Variants in SYT17 observed in about 807,000 individuals in gnomAD.
The protein encoded by SYT17 is synaptotagmin 17, also known as synaptotagmin-17.
SYT17 carries 22 observed loss-of-function variants against 46.7 expected under a neutral mutation model. That is an observed-to-expected ratio of 0.47 (90% CI 0.34 to 0.67). The LOEUF (loss-of-function observed/expected upper bound fraction) is 0.67. Among genes scored for constraint, SYT17 ranks in the 30% least tolerant of loss-of-function variants. SYT17 has a pLI of 0.01. For missense variants in SYT17, 519 were observed against 612.8 expected (o/e 0.85, Z 1.62); for synonymous variants, 251 against 248.4 (o/e 1.01, Z -0.10).
intron 5 of SYT17, among the ~76,000 whole-genome samples, chr16:19,208,910 T>TG (rs1965779769): frequency 7.0e-6 from 1 of 142,050 alleles, no homozygotes; most frequent in Non-Finnish European, 1.5e-5. Flanking sequence ...TTTTTTTTTT[T>TG]GAGACAGAGT....
intron 7 of SYT17, among the ~76,000 whole-genome samples, chr16:19,259,423 C>T (rs1968807059): frequency 6.6e-6 from 1 of 152,168 alleles, no homozygotes; most frequent in Non-Finnish European, 1.5e-5. Flanking sequence ...GATCACACTG[C>T]AAATAGCCGC....
intron 5 of SYT17, among the ~76,000 whole-genome samples, chr16:19,192,478 C>T (rs1965065004): frequency 6.6e-6 from 1 of 152,108 alleles, no homozygotes; most frequent in Admixed American, 6.6e-5. Context: ...AATCCCAACA[C>T]TTTGGGAAGC....
rs375921222 is a variant in SYT17 at position 19,232,650 on chromosome 16, G to A, written c.1228+7812G>A. On this transcript the variant is annotated intron_variant, in intron 7 of 7. Coordinates refer to ENST00000355377, the MANE Select transcript of SYT17 (RefSeq NM_016524.4). ...GTTTGAGACCAGCCTGGGCAGCATG[G>A]CAAAACCCCATCTCTACTAAAATTA... 2.0e-5 allele frequency among the ~76,000 whole-genome samples: 3 copies of A among 151,992 alleles called. No homozygotes were observed. In the East Asian group the frequency reaches 5.8e-4, roughly 29 times the overall value.
intron 5 of SYT17, among the ~76,000 whole-genome samples, chr16:19,201,207 G>A (rs570285172): frequency 1.3e-3 from 193 of 152,282 alleles, no homozygotes; most frequent in African/African-American, 4.3e-3. Flanking sequence ...GTTTATCTGC[G>A]GCATGGAAGG....
intron 7 of SYT17, among the ~76,000 whole-genome samples, chr16:19,229,636 A>G (rs1966611746): frequency 6.6e-6 from 1 of 152,258 alleles, no homozygotes; most frequent in African/African-American, 2.4e-5. Flanking sequence ...GAAAAAAGAA[A>G]TGCAGCTTGA....
Position 19,181,960 on chromosome 16 carries a change from C to T in SYT17, c.331+1421C>T, listed in dbSNP as rs544963365. On this transcript the variant is annotated intron_variant, in intron 4 of 7. Transcript: ENST00000355377. ...GTTGCAGTGAGCCGAGATTGCACCA[C>T]TACACTCCAGCTCAGGCAACAAAAA... Among the ~76,000 whole-genome samples the T allele has an allele frequency of 2.1e-4, 30 of 141,766 alleles. 1 individual carries two copies. The highest frequency in any genetic ancestry group is 6.6e-4 in the African/African-American group (25 of 37,644). The allele number at this position is 141,766 out of a possible 152,430, so 93.0% of individuals were successfully genotyped here. A position where few individuals can be genotyped will look rare whatever the true frequency, so the allele number is the denominator to read the frequency against.
intron 5 of SYT17, among the ~76,000 whole-genome samples, chr16:19,222,274 ATG>A (rs1354969216): frequency 6.6e-6 from 1 of 151,330 alleles, no homozygotes; most frequent in Non-Finnish European, 1.5e-5. Context: ...TGTTTTGTAT[ATG>A]GCTGAAATTT....
intron 2 of SYT17, 26 bp from the exon 3 acceptor site, chr16:19,173,404 C>A: frequency 8.3e-7 from 1 of 1,203,872 alleles, no homozygotes; most frequent in Non-Finnish European, 1.2e-6. Context: ...CCCCATCCCC[C>A]CGCCCACCTC....
chr16:19,244,906 G>T (rs1342112535), intron 7 of SYT17, among the ~76,000 whole-genome samples: 1 of 152,200 alleles, frequency 6.6e-6, no homozygotes, highest in Non-Finnish European at 1.5e-5. Flanking sequence ...TGAAGGAGAG[G>T]CTGGGAAATG....
At position 19,267,381 on chromosome 16, in the gene SYT17, C is replaced by G. The variant is rs980666842; in HGVS notation, c.*305C>G. On this transcript the variant is annotated 3_prime_UTR_variant, in exon 8 of 8. Coordinates refer to ENST00000355377, the MANE Select transcript of SYT17 (RefSeq NM_016524.4). ...GGCAGTGCCTGCTCTTGTCAATACT[C>G]CTGCCCCAAAATGCACTTTCAACCC... 5.3e-5 allele frequency: 12 copies of G among 227,698 alleles called. No individual in the cohort carries two copies. Among genetic ancestry groups the G allele is most frequent in the Non-Finnish European group, 8.5e-5 (10 of 117,662 alleles). The allele number at this position is 227,698 out of a possible 1,614,324, so 14.1% of individuals were successfully genotyped here. A position where few individuals can be genotyped will look rare whatever the true frequency, so the allele number is the denominator to read the frequency against.
At chr16:19,215,064 A>T (rs1214019557) in intron 5 of SYT17, among the ~76,000 whole-genome samples, 1 of 152,246 alleles carries the variant, frequency 6.6e-6, no homozygotes, top group Admixed American at 6.5e-5. Context: ...CTGGGATTAC[A>T]GGCATGAGCC....
chr16:19,244,485 C>T lies in SYT17; in HGVS notation c.1228+19647C>T, dbSNP rs1275306717. 2.6e-5 allele frequency among the ~76,000 whole-genome samples: 4 copies of T among 152,206 alleles called. No individual in the cohort carries two copies. In the East Asian group the frequency reaches 5.8e-4, roughly 22 times the overall value. ...AGTAGCTGGGACTACAGGTATGTGC[C>T]ACCGTGCCTGCCATTTTAAAAAATT... On this transcript the variant is annotated intron_variant, in intron 7 of 7. Coordinates refer to ENST00000355377, the MANE Select transcript of SYT17 (RefSeq NM_016524.4).
chr16:19,202,295 A>G (rs1304544175), intron 5 of SYT17, among the ~76,000 whole-genome samples: 1 of 152,212 alleles, frequency 6.6e-6, no homozygotes, highest in East Asian at 1.9e-4. Context: ...TTTGCTAGAA[A>G]GGCTCACAGA....
chr16:19,189,355 T>G (rs1448872760), intron 5 of SYT17, among the ~76,000 whole-genome samples: 1 of 150,976 alleles, frequency 6.6e-6, no homozygotes. Context: ...TTTTTTTTTT[T>G]TCTGAGACAG....
intron 5 of SYT17, among the ~76,000 whole-genome samples, chr16:19,190,378 T>TA (rs1596918690): frequency 6.6e-6 from 1 of 151,768 alleles, no homozygotes; most frequent in Non-Finnish European, 1.5e-5. Context: ...TCTCGAAATT[T>TA]AAAAAAAAAT....
At chr16:19,228,578 T>C (rs566021448) in intron 7 of SYT17, among the ~76,000 whole-genome samples, 1 of 152,268 alleles carries the variant, frequency 6.6e-6, no homozygotes, top group East Asian at 1.9e-4. Flanking sequence ...CATCTATAAG[T>C]AGCTATTTTT....
At chr16:19,218,179 A>G (rs1966167152) in intron 5 of SYT17, among the ~76,000 whole-genome samples, 1 of 152,208 alleles carries the variant, frequency 6.6e-6, no homozygotes, top group African/African-American at 2.4e-5. Context: ...TTTCTCCATA[A>G]AGGTTTGCTG....
At chr16:19,180,609 A>T in intron 4 of SYT17, 70 bp downstream of exon 4, 1 of 1,580,046 alleles carries the variant, frequency 6.3e-7, no homozygotes, top group Non-Finnish European at 8.7e-7. Context: ...ACGGAGAGTC[A>T]TGAAGGGCAG....
Position 19,173,412 on chromosome 16 carries a change from C to T in SYT17, c.34-18C>T. On this transcript the variant is annotated intron_variant, in intron 2 of 7. Transcript: ENST00000355377. ...CCCTCTCCCCCATCCCCCCGCCCAC[C>T]TCCCCCAATGGCCTCAGGGTTTTCT... 2.0e-6 allele frequency: 3 copies of T among 1,482,910 alleles called. No homozygotes were observed. Among genetic ancestry groups the T allele is most frequent in the South Asian group, 2.5e-5 (2 of 80,036 alleles). The allele number at this position is 1,482,910 out of a possible 1,614,324, so 91.9% of individuals were successfully genotyped here. A position where few individuals can be genotyped will look rare whatever the true frequency, so the allele number is the denominator to read the frequency against.
Sources: gnomAD v4.1 joint callset for allele counts (sites outside exome capture counted in the v4.1 genomes callset) on GRCh38, gnomAD v4.1.1 for gene constraint, MANE v1.5 for transcripts, NCBI Gene and HGNC (gene_info 2026-07-23, HGNC 2026-07-21) for gene names.